The following SORCS3 variants were observed in gnomAD, a reference collection of about 807,000 sequenced individuals.
SORCS3 encodes VPS10 domain-containing receptor SorCS3.
SORCS3 carries 57 observed loss-of-function variants against 146.3 expected under a neutral mutation model. That is an observed-to-expected ratio of 0.39 (90% CI 0.31 to 0.49). The LOEUF (loss-of-function observed/expected upper bound fraction) is 0.49. Among genes scored for constraint, SORCS3 ranks in the 20% least tolerant of loss-of-function variants. SORCS3 has a pLI of 0.92. For synonymous variants in SORCS3, 653 were observed against 618.5 expected (o/e 1.06, Z -0.83); for missense variants, 1,341 against 1,575.5 (o/e 0.85, Z 2.52).
chr10:105,174,138 A>G (rs2056381436), intron 13 of SORCS3, among the ~76,000 whole-genome samples: 1 of 152,174 alleles, frequency 6.6e-6, no homozygotes, highest in South Asian at 2.1e-4. Context: ...TCAGGCACAT[A>G]GTAGTAGGCA....
intron 7 of SORCS3, among the ~76,000 whole-genome samples, chr10:105,117,467 C>T (rs1289231513): frequency 6.6e-6 from 1 of 152,136 alleles, no homozygotes; most frequent in East Asian, 1.9e-4. Context: ...TCAATCTAAA[C>T]ATCCATTTCC....
chr10:105,089,341 G>A (rs911634307), intron 5 of SORCS3, among the ~76,000 whole-genome samples: 1 of 152,148 alleles, frequency 6.6e-6, no homozygotes, highest in Non-Finnish European at 1.5e-5. Flanking sequence ...GTTCCCCATC[G>A]GGTAGAACAG....
chr10:105,148,537 C>G (rs10509785), intron 9 of SORCS3, among the ~76,000 whole-genome samples: 23,746 of 152,014 alleles, frequency 0.16, 1,868 homozygotes, highest in South Asian at 0.22. Flanking sequence ...CTTGACTGAC[C>G]ACCTGGATAT....
At chr10:105,074,255 G>A (rs1190611317) in intron 5 of SORCS3, among the ~76,000 whole-genome samples, 1 of 152,174 alleles carries the variant, frequency 6.6e-6, no homozygotes, top group East Asian at 1.9e-4. Context: ...TGTTTGAATT[G>A]GGAGCTGTCA....
rs143514868 is a variant in SORCS3, at chr10:105,193,272, G to A, written c.2010-6727G>A. On this transcript the variant is annotated intron_variant, in intron 14 of 26. Coordinates refer to ENST00000369701, the MANE Select transcript of SORCS3 (RefSeq NM_014978.3). ...CAATTACTTGCCTGAGATTGTTTCT[G>A]TCCTTCTATATTCCAAATGATACAC... Among the ~76,000 whole-genome samples the A allele has an allele frequency of 2.0e-3, 298 of 152,256 alleles. 1 individual carries two copies. Among genetic ancestry groups the A allele is most frequent in the African/African-American group, 6.5e-3 (269 of 41,570 alleles).
chr10:105,168,904 C>G (rs2056336989), intron 13 of SORCS3, among the ~76,000 whole-genome samples: 1 of 152,130 alleles, frequency 6.6e-6, no homozygotes, highest in South Asian at 2.1e-4. Context: ...TCTCCCACCT[C>G]AAGGATGAGC....
At chr10:104,907,647 G>A (rs186882780) in intron 2 of SORCS3, among the ~76,000 whole-genome samples, 130 of 152,318 alleles carry the variant, frequency 8.5e-4, no homozygotes, top group South Asian at 2.1e-3. Context: ...CATTCAAATA[G>A]TGGGGGCAGG....
intron 5 of SORCS3, among the ~76,000 whole-genome samples, chr10:105,071,272 C>T (rs185728994): frequency 6.6e-6 from 1 of 152,336 alleles, no homozygotes; most frequent in Admixed American, 6.5e-5. Flanking sequence ...TGTCACTACT[C>T]TCATGTGATG....
In SORCS3 at chr10:104,671,325, C is replaced by CTTTTTTTTTTTTTTTTTTTT. The variant is rs771029154; in HGVS notation, c.627+29379_627+29398dup. ...ATGTTAAGGTAGTTTCATTCTTTTC[C>CTTTTTTTTTTTTTTTTTTTT]TTTTTTTTTTTTTTTTTTTTTTTTT... On this transcript the variant is annotated intron_variant, in intron 1 of 26. Transcript: ENST00000369701. Among the ~76,000 whole-genome samples the CTTTTTTTTTTTTTTTTTTTT allele has an allele frequency of 2.1e-3, 41 of 19,200 alleles. 14 individuals carry two copies. Among genetic ancestry groups the CTTTTTTTTTTTTTTTTTTTT allele is most frequent in the Non-Finnish European group, 3.2e-3 (36 of 11,212 alleles). The allele number at this position is 19,200 out of a possible 152,430, so 12.6% of individuals were successfully genotyped here.
At chr10:104,661,153 G>A (rs546321632) in intron 1 of SORCS3, among the ~76,000 whole-genome samples, 1 of 152,108 alleles carries the variant, frequency 6.6e-6, no homozygotes, top group Non-Finnish European at 1.5e-5. Flanking sequence ...TTCAGCATCT[G>A]AGCAAATATG....
intron 4 of SORCS3, among the ~76,000 whole-genome samples, chr10:104,978,485 C>T (rs192198532): frequency 1.4e-4 from 21 of 152,286 alleles, no homozygotes; most frequent in Admixed American, 1.3e-4. Flanking sequence ...CTGGAGATCT[C>T]GCCCCAGCAT....
chr10:105,223,235 G>A lies in SORCS3; in HGVS notation c.2854G>A (p.Gly952Ser), dbSNP rs75947816. Reference protein sequence around the residue: ...LGTLTYFWWFGNSTKPLITLD... With the variant: ...LGTLTYFWWFSNSTKPLITLD... ...GACCCTTACCTATTTCTGGTGGTTC[G>A]GCAATAGCACAAAGGTTTGGCCCTT... The change falls in exon 20 of 27, where the codon GGC becomes AGC. Residue 952 changes from glycine (G) to serine (S), a missense_variant. Physicochemically the swap from Gly to Ser is moderately conservative, Grantham distance 56 (BLOSUM62 0). Transcript: ENST00000369701. The A allele has an allele frequency of 5.4e-4, 868 of 1,611,480 alleles. 2 individuals carry two copies. The African/African-American group carries it at 6.3e-3, about 12-fold the overall frequency.
At chr10:104,693,351 T>C (rs1178455727) in intron 1 of SORCS3, among the ~76,000 whole-genome samples, 4 of 152,156 alleles carry the variant, frequency 2.6e-5, no homozygotes, top group Non-Finnish European at 5.9e-5. Context: ...CCATGGGAGC[T>C]GTGAAATGCA....
chr10:104,998,639 A>G (rs1164491944), intron 4 of SORCS3, among the ~76,000 whole-genome samples: 1 of 152,126 alleles, frequency 6.6e-6, no homozygotes, highest in African/African-American at 2.4e-5. Context: ...GTCATCTGCT[A>G]AGATTCTTTG....
At chr10:104,983,279 G>C (rs756534643) in intron 4 of SORCS3, among the ~76,000 whole-genome samples, 18 of 151,610 alleles carry the variant, frequency 1.2e-4, no homozygotes, top group Non-Finnish European at 2.5e-4. Flanking sequence ...TGAATTTACA[G>C]GTGTGAACCA....
intron 5 of SORCS3, among the ~76,000 whole-genome samples, chr10:105,044,991 A>T (rs1044240940): frequency 2.0e-5 from 3 of 148,596 alleles, no homozygotes; most frequent in African/African-American, 7.5e-5. Flanking sequence ...CCAGTTTCTC[A>T]GTATGCCACC....
chr10:104,895,669 A>C (rs2018790847), intron 2 of SORCS3, among the ~76,000 whole-genome samples: 1 of 151,888 alleles, frequency 6.6e-6, no homozygotes, highest in Non-Finnish European at 1.5e-5. Flanking sequence ...CATCCACTAC[A>C]CTGAGTTCTG....
chr10:105,247,704 C>A (rs750678016), intron 22 of SORCS3, among the ~76,000 whole-genome samples: 2 of 151,728 alleles, frequency 1.3e-5, no homozygotes, highest in Non-Finnish European at 2.9e-5. Context: ...GCTGAGATTG[C>A]GCCATTGCAC....
Position 105,263,503 on chromosome 10 carries a change from AGGCAAAT to A in SORCS3, c.*131_*137del. Reference sequence around the variant, plus strand: ...TACCAAGGGCCCCTTCATAAATAGCAGGCAAATGCCTAGCTTTGGGAGAAAAGGGCAT... The same window carrying A: ...TACCAAGGGCCCCTTCATAAATAGCAGCCTAGCTTTGGGAGAAAAGGGCAT... On this transcript the variant is annotated 3_prime_UTR_variant, in exon 27 of 27. Coordinates refer to ENST00000369701, the MANE Select transcript of SORCS3 (RefSeq NM_014978.3). 1.2e-6 allele frequency: 1 copy of A among 819,184 alleles called. No individual in the cohort carries two copies. The highest frequency in any genetic ancestry group is 2.7e-5 in the East Asian group (1 of 37,372). The allele number at this position is 819,184 out of a possible 1,614,324, so 50.7% of individuals were successfully genotyped here.
Sources: allele counts gnomAD v4.1 joint callset (sites outside exome capture counted in the v4.1 genomes callset), GRCh38; gene constraint gnomAD v4.1.1; transcripts MANE v1.5; gene names NCBI Gene and HGNC (gene_info 2026-07-23, HGNC 2026-07-21).